The following CDH8 variants were observed in gnomAD, a reference collection of about 807,000 sequenced individuals.
CDH8 encodes the protein cadherin-8.
In CDH8, 17 loss-of-function variants were observed where a neutral mutation model predicts 68.1. The observed-to-expected ratio is 0.25, with a 90% CI of 0.17 to 0.37. The LOEUF (loss-of-function observed/expected upper bound fraction) is 0.37. Ranked by LOEUF, CDH8 falls within the 10% of genes least tolerant of loss-of-function variation. CDH8 has a pLI of 1.00. For missense variants in CDH8, 763 were observed against 999.3 expected, an observed-to-expected ratio of 0.76 and a Z score of 3.19; for synonymous variants, 372 against 365.1, an observed-to-expected ratio of 1.02 and a Z score of -0.21.
intron 8 of CDH8, among the ~76,000 whole-genome samples, chr16:61,781,690 A>G (rs946062806): frequency 2.0e-5 from 3 of 152,214 alleles, no homozygotes; most frequent in Admixed American, 2.0e-4. Context: ...ATTAAAGAAG[A>G]CTGGATTTTT....
At chr16:61,720,889 A>G (rs1404369955) in intron 9 of CDH8, among the ~76,000 whole-genome samples, 2 of 150,794 alleles carry the variant, frequency 1.3e-5, no homozygotes, top group African/African-American at 2.4e-5. Context: ...GAAATAAAGT[A>G]TTTTTTGCTT....
intron 2 of CDH8, among the ~76,000 whole-genome samples, chr16:61,990,173 G>T (rs189518282): frequency 5.3e-5 from 8 of 152,188 alleles, no homozygotes; most frequent in Admixed American, 3.3e-4. Context: ...TAATCATTAA[G>T]TTCTTACAGA....
intron 2 of CDH8, among the ~76,000 whole-genome samples, chr16:61,925,921 T>A (rs1234548860): frequency 1.3e-5 from 2 of 152,050 alleles, no homozygotes; most frequent in Non-Finnish European, 2.9e-5. Context: ...GAGGAAAAGA[T>A]GGAGAAAGAA....
At chr16:61,838,432 C>T (rs144171992) in intron 4 of CDH8, among the ~76,000 whole-genome samples, 25 of 152,250 alleles carry the variant, frequency 1.6e-4, no homozygotes, top group African/African-American at 6.0e-4. Context: ...TGATTACCTC[C>T]TATTTGTCAA....
intron 7 of CDH8, among the ~76,000 whole-genome samples, chr16:61,817,107 C>T (rs901702064): frequency 6.6e-6 from 1 of 152,080 alleles, no homozygotes; most frequent in Non-Finnish European, 1.5e-5. Flanking sequence ...ACTAGCAATG[C>T]TTCCCCAAAG....
intron 10 of CDH8, among the ~76,000 whole-genome samples, chr16:61,706,519 G>A (rs1964535918): frequency 6.6e-6 from 1 of 151,494 alleles, no homozygotes; most frequent in African/African-American, 2.4e-5. Context: ...TACTCAGGAG[G>A]CTGAGGCAGG....
At chr16:61,810,020 A>G (rs935223992) in intron 7 of CDH8, among the ~76,000 whole-genome samples, 9 of 152,228 alleles carry the variant, frequency 5.9e-5, no homozygotes, top group Non-Finnish European at 7.3e-5. Context: ...GCACTTTTAT[A>G]TCATAAAAAA....
intron 8 of CDH8, among the ~76,000 whole-genome samples, chr16:61,777,662 A>G (rs78649817): frequency 6.6e-6 from 1 of 152,298 alleles, no homozygotes; most frequent in East Asian, 1.9e-4. Context: ...GAATGGTTGC[A>G]GAACAAAGTA....
intron 7 of CDH8, among the ~76,000 whole-genome samples, chr16:61,790,050 G>A (rs1312467943): frequency 6.6e-6 from 1 of 151,920 alleles, no homozygotes; most frequent in African/African-American, 2.4e-5. Flanking sequence ...AAATTGGATA[G>A]TTGTTGATTT....
At chr16:61,768,398 T>TCTCTCTCTCTCTCTCTC (rs1960684849) in intron 8 of CDH8, among the ~76,000 whole-genome samples, 4 of 35,202 alleles carry the variant, frequency 1.1e-4, no homozygotes, top group East Asian at 9.9e-4. Context: ...CTCTCTCCCT[T>TCTCTCTCTCTCTCTCTC]TCTCTCTCTC....
intron 2 of CDH8, among the ~76,000 whole-genome samples, chr16:61,961,476 A>C (rs989244555): frequency 3.9e-5 from 6 of 151,936 alleles, no homozygotes; most frequent in Non-Finnish European, 8.8e-5. Flanking sequence ...TGTCTCCCAC[A>C]CTGTGGTCAT....
rs144753085 is a variant in CDH8, at chr16:61,716,813, A to C, written c.1537-2855T>G. On this transcript the variant is annotated intron_variant, in intron 9 of 11. Coordinates refer to ENST00000577390, the MANE Select transcript of CDH8 (RefSeq NM_001796.5). Reference sequence around the variant, plus strand: ...GCTTTGGCATTTTATCTAAAAGTAGATGCCAAGTAGGTCACTTGAAGGACT... The same window carrying C: ...GCTTTGGCATTTTATCTAAAAGTAGCTGCCAAGTAGGTCACTTGAAGGACT... 7.0e-3 allele frequency among the ~76,000 whole-genome samples: 1,065 copies of C among 151,940 alleles called. 15 individuals are homozygous for C. Among genetic ancestry groups the C allele is most frequent in the African/African-American group, 0.025 (1,025 of 41,514 alleles).
intron 8 of CDH8, among the ~76,000 whole-genome samples, chr16:61,775,647 A>G (rs2142991077): frequency 6.6e-6 from 1 of 152,152 alleles, no homozygotes; most frequent in African/African-American, 2.4e-5. Context: ...CATTGAGAAC[A>G]TAATTAAAAA....
At chr16:61,972,584 G>C (rs1965359770) in intron 2 of CDH8, among the ~76,000 whole-genome samples, 1 of 150,828 alleles carries the variant, frequency 6.6e-6, no homozygotes. Context: ...GTGTGTGTGT[G>C]TGTGTGTGTG....
intron 2 of CDH8, among the ~76,000 whole-genome samples, chr16:61,958,826 T>A (rs1304467828): frequency 6.6e-6 from 1 of 152,186 alleles, no homozygotes; most frequent in African/African-American, 2.4e-5. Context: ...AGAGACAATT[T>A]CCTTCTCTAC....
chr16:61,812,967 A>G (rs1961985956), intron 7 of CDH8, among the ~76,000 whole-genome samples: 1 of 152,188 alleles, frequency 6.6e-6, no homozygotes, highest in Admixed American at 6.5e-5. Context: ...GTGAGATAAT[A>G]CATAATAGGA....
intron 8 of CDH8, among the ~76,000 whole-genome samples, chr16:61,736,949 G>T (rs747100173): frequency 6.4e-4 from 98 of 152,244 alleles, no homozygotes; most frequent in Admixed American, 1.4e-3. Context: ...GGAAGGAAAA[G>T]CCCATATCAA....
chr16:61,940,710 T>G (rs2143534788), intron 2 of CDH8: 1 of 152,372 alleles, frequency 6.6e-6, no homozygotes, highest in East Asian at 1.9e-4. Flanking sequence ...CGGACTATTT[T>G]ATCTTAAAGA....
chr16:61,842,049 G>A (rs1262776618), intron 4 of CDH8, among the ~76,000 whole-genome samples: 7 of 127,478 alleles, frequency 5.5e-5, no homozygotes, highest in African/African-American at 1.8e-4. Flanking sequence ...CACCACGCCC[G>A]GCTAATTTTT....
Sources: allele counts gnomAD v4.1 joint callset (sites outside exome capture counted in the v4.1 genomes callset), GRCh38; gene constraint gnomAD v4.1.1; transcripts MANE v1.5; gene names NCBI Gene and HGNC (gene_info 2026-07-23, HGNC 2026-07-21).